The following TBC1D8 variants were observed in gnomAD, a reference collection of about 807,000 sequenced individuals.
The protein encoded by TBC1D8 is BUB2-like protein 1.
Under a neutral mutation model 118.8 loss-of-function variants are expected in TBC1D8, and 65 were observed. The observed-to-expected ratio is 0.55, with a 90% CI of 0.45 to 0.67. TBC1D8 has a LOEUF of 0.67. Ranked by LOEUF, TBC1D8 falls within the 30% of genes least tolerant of loss-of-function variation. The probability of loss-of-function intolerance (pLI) is 0.00; values close to 1 mark genes in which losing one functional copy is unlikely to be tolerated. For synonymous variants in TBC1D8, 566 were observed against 595.8 expected (o/e 0.95, Z 0.73); for missense variants, 1,376 against 1,471.2 (o/e 0.94, Z 1.06).
intron 5 of TBC1D8, among the ~76,000 whole-genome samples, chr2:101,045,732 G>A (rs755895088): frequency 3.5e-4 from 53 of 152,202 alleles, no homozygotes; most frequent in Non-Finnish European, 6.9e-4. Context: ...GGTGGCTCCC[G>A]CCTGTCATCC....
At chr2:101,086,585 C>T (rs374766741) in intron 2 of TBC1D8, among the ~76,000 whole-genome samples, 2 of 151,512 alleles carry the variant, frequency 1.3e-5, no homozygotes, top group South Asian at 2.1e-4. Context: ...AAAAAACAAT[C>T]GGTGCTGCCT....
intron 5 of TBC1D8, among the ~76,000 whole-genome samples, chr2:101,044,957 C>T (rs1681608053): frequency 1.3e-5 from 2 of 152,092 alleles, no homozygotes; most frequent in African/African-American, 2.4e-5. Context: ...CCATGTTGGC[C>T]AGGCTGGTCT....
intron 2 of TBC1D8, among the ~76,000 whole-genome samples, chr2:101,081,003 C>T (rs958246363): frequency 6.6e-6 from 1 of 151,936 alleles, no homozygotes; most frequent in African/African-American, 2.4e-5. Context: ...CTTGAATTCC[C>T]AGCCTGAAGC....
At chr2:101,116,945 A>G (rs1195444204) in intron 1 of TBC1D8, among the ~76,000 whole-genome samples, 2 of 152,138 alleles carry the variant, frequency 1.3e-5, no homozygotes, top group Non-Finnish European at 2.9e-5. Context: ...CCAGCCGAGA[A>G]GTGAAATTTA....
At chr2:101,105,945 T>G (rs1242882855) in intron 1 of TBC1D8, among the ~76,000 whole-genome samples, 1 of 152,074 alleles carries the variant, frequency 6.6e-6, no homozygotes, top group Non-Finnish European at 1.5e-5. Context: ...TTCATAATTA[T>G]CTAAAACTGG....
intron 17 of TBC1D8, 86 bp from the exon 18 acceptor site, chr2:101,011,626 G>A (rs1452582867): frequency 7.1e-7 from 1 of 1,403,244 alleles, no homozygotes; most frequent in Non-Finnish European, 1.0e-6. Context: ...GCAACTAAAG[G>A]CTAAGCCAGC....
intron 1 of TBC1D8, among the ~76,000 whole-genome samples, chr2:101,105,803 G>A (rs1677171394): frequency 6.6e-6 from 1 of 152,048 alleles, no homozygotes; most frequent in Admixed American, 6.6e-5. Context: ...AAGATAACTT[G>A]ATAGTTCTGT....
At chr2:101,008,565 A>G (rs1023526860) in intron 19 of TBC1D8, among the ~76,000 whole-genome samples, 1 of 152,184 alleles carries the variant, frequency 6.6e-6, no homozygotes, top group African/African-American at 2.4e-5. Context: ...CTGTAATCCC[A>G]GCACTGTGGG....
intron 2 of TBC1D8, among the ~76,000 whole-genome samples, chr2:101,066,162 T>C (rs1036937044): frequency 3.3e-5 from 5 of 152,038 alleles, no homozygotes; most frequent in African/African-American, 1.2e-4. Flanking sequence ...CGGGTGCTGG[T>C]AGTCCCAGCT....
chr2:101,053,996 C>A, intron 4 of TBC1D8, 112 bp downstream of exon 4: 1 of 951,424 alleles, frequency 1.1e-6, no homozygotes, highest in Non-Finnish European at 1.6e-6. Flanking sequence ...GGTGTCATCT[C>A]CACCATTTAT....
At chr2:101,037,511 T>TG in intron 8 of TBC1D8, 21 bp downstream of exon 8, 1 of 1,609,586 alleles carries the variant, frequency 6.2e-7, no homozygotes, top group South Asian at 1.1e-5. Flanking sequence ...TGGTCCAGCT[T>TG]GGGCACCAGG....
intron 2 of TBC1D8, among the ~76,000 whole-genome samples, chr2:101,072,276 A>G (rs1313113769): frequency 6.6e-6 from 1 of 152,208 alleles, no homozygotes; most frequent in Non-Finnish European, 1.5e-5. Context: ...CTGCACCAGC[A>G]TCTGCTCCTG....
At chr2:101,113,425 GA>G (rs1677691100) in intron 1 of TBC1D8, among the ~76,000 whole-genome samples, 1 of 151,886 alleles carries the variant, frequency 6.6e-6, no homozygotes. Context: ...AAACAAGACT[GA>G]ACATGAAATA....
Position 101,008,131 on chromosome 2 carries a change from C to G in TBC1D8, c.3158G>C (p.Gly1053Ala). 1.2e-6 allele frequency: 2 copies of G among 1,613,908 alleles called. No homozygotes were observed. Among genetic ancestry groups the G allele is most frequent in the Non-Finnish European group, 1.7e-6 (2 of 1,179,814 alleles). The change falls in exon 20 of 20, where the codon GGA becomes GCA. Residue 1053 changes from glycine (G) to alanine (A), a missense_variant. By Grantham distance (60) the Gly-to-Ala change is moderately conservative. Coordinates refer to ENST00000409318, the MANE Select transcript of TBC1D8 (RefSeq NM_001330348.2). ...CTCCCCACACTCCTGGGAGCAGCTT[C>G]CAGAGCTGCTGCCTCGCTGCCCCAC... ...GEVGQRGSSS[G>A]SCSQECGEEL...
chr2:101,151,140 G>GC lies in TBC1D8; in HGVS notation c.113dup (p.Gly39ArgfsTer43), dbSNP rs1679548174. ...CGAGCCCCTTACCGGTGAGGCGGCC[G>GC]CCCCCCTCGCCGTGCCCGCGGCGCC... On this transcript the variant is annotated frameshift_variant, in exon 1 of 20. Transcript: ENST00000409318. LOFTEE classifies it high-confidence loss of function. 4.3e-6 allele frequency: 5 copies of GC among 1,169,774 alleles called. No homozygotes were observed. The Admixed American group carries it at 1.0e-4, about 24-fold the overall frequency. The allele number at this position is 1,169,774 out of a possible 1,614,324, so 72.5% of individuals were successfully genotyped here. A position where few individuals can be genotyped will look rare whatever the true frequency, so the allele number is the denominator to read the frequency against.
Position 101,007,895 on chromosome 2 carries a change from T to G in TBC1D8, c.3394A>C (p.Ile1132Leu). Residue 1132 changes from isoleucine (I) to leucine (L), a missense_variant, in exon 20 of 20, where the codon ATC (isoleucine) becomes CTC (leucine). Ile to Leu is a conservative substitution (Grantham distance 5). Transcript: ENST00000409318. The stretch of plus-strand genomic sequence containing the variant: ...AAAGTTTTGAGATTGTACTGATTGA[T>G]CTTGGCATTTTCAAGTTTGGATTTC... ...DMKSKLENAK[I>L]NQYNLKTFEM... is the part of the protein sequence containing the mutation. The G allele has an allele frequency of 1.2e-6, 2 of 1,614,058 alleles. No individual in the cohort carries two copies. The highest frequency in any genetic ancestry group is 1.7e-6 in the Non-Finnish European group (2 of 1,179,900).
intron 2 of TBC1D8, among the ~76,000 whole-genome samples, chr2:101,064,083 T>G (rs1280333747): frequency 6.6e-6 from 1 of 152,206 alleles, no homozygotes; most frequent in East Asian, 1.9e-4. Flanking sequence ...GCTGCTATTA[T>G]GGCCTGAATT....
chr2:101,135,390 C>G (rs1678809233), intron 1 of TBC1D8, among the ~76,000 whole-genome samples: 1 of 151,652 alleles, frequency 6.6e-6, no homozygotes, highest in African/African-American at 2.4e-5. Context: ...ATCTGAACAG[C>G]AGAAAACAGA....
chr2:101,050,736 C>T, intron 4 of TBC1D8, 95 bp from the exon 5 acceptor site: 17 of 1,481,564 alleles, frequency 1.1e-5, no homozygotes, highest in African/African-American at 2.8e-5. Context: ...CTCCTTAGGC[C>T]GATGTGTAAA....
Sources: allele counts gnomAD v4.1 joint callset (sites outside exome capture counted in the v4.1 genomes callset), GRCh38; gene constraint gnomAD v4.1.1; transcripts MANE v1.5; gene names NCBI Gene and HGNC (gene_info 2026-07-23, HGNC 2026-07-21).